PUDP: variants seen among roughly 807,000 people sequenced by gnomAD.
PUDP encodes pseudouridine 5'-phosphatase.
PUDP carries 8 observed loss-of-function variants against 9.4 expected under a neutral mutation model. That is an observed-to-expected ratio of 0.85 (90% confidence interval 0.50 to 1.53). The LOEUF (loss-of-function observed/expected upper bound fraction) is 1.53, where lower values mean the gene tolerates loss of function less well. Ranked by LOEUF, PUDP falls within the 40% of genes most tolerant of loss-of-function variation. The probability of loss-of-function intolerance (pLI) is 0.00; values close to 1 mark genes in which losing one functional copy is unlikely to be tolerated. For missense variants in PUDP, 188 were observed against 189.7 expected, an observed-to-expected ratio of 0.99 and a Z score of 0.05; for synonymous variants, 99 against 80.7, an observed-to-expected ratio of 1.23 and a Z score of -1.22.
chrX:6,874,384 T>A (rs1376015408), intron 3 of PUDP, among the ~76,000 whole-genome samples: 2 of 112,252 alleles, frequency 1.8e-5, no homozygotes, highest in Non-Finnish European at 3.8e-5. Flanking sequence ...GTTCATTTAT[T>A]ATTGTTTGTT....
chrX:7,091,103 C>T (rs774383025), intron 2 of PUDP, among the ~76,000 whole-genome samples: 1 of 111,915 alleles, frequency 8.9e-6, no homozygotes, highest in South Asian at 3.8e-4. Flanking sequence ...TTATGATCGT[C>T]AGGAGCCTCC....
intron 3 of PUDP, among the ~76,000 whole-genome samples, chrX:6,804,563 G>A (rs1459882027): frequency 8.9e-6 from 1 of 111,802 alleles, no homozygotes; most frequent in Non-Finnish European, 1.9e-5. Flanking sequence ...TCTTGATTCT[G>A]CATTCTTTAT....
At chrX:6,721,304 C>T (rs2146655369) in intron 1 of PUDP, 1 of 112,368 alleles carries the variant, frequency 8.9e-6, no homozygotes, top group Admixed American at 9.5e-5. Flanking sequence ...AGAAAGCAAT[C>T]TGCTCATGCA....
chrX:7,110,837 CAGTT>C (rs1821679651), intron 1 of PUDP, among the ~76,000 whole-genome samples: 1 of 111,129 alleles, frequency 9.0e-6, no homozygotes, highest in South Asian at 3.8e-4. Context: ...CAAGGTCAAT[CAGTT>C]AGGGTGGGGC....
intron 3 of PUDP, among the ~76,000 whole-genome samples, chrX:6,783,423 T>G (rs1164551255): frequency 9.0e-6 from 1 of 111,330 alleles, no homozygotes; most frequent in Non-Finnish European, 1.9e-5. Flanking sequence ...GCTTTTGCTT[T>G]GCACTGTGGA....
chrX:6,791,579 G>T (rs2146689506), intron 3 of PUDP, among the ~76,000 whole-genome samples: 1 of 109,980 alleles, frequency 9.1e-6, no homozygotes, highest in Admixed American at 9.9e-5. Flanking sequence ...AGGAATTGAG[G>T]GTGGGACTCT....
At chrX:7,110,577 A>G (rs1403907625) in intron 1 of PUDP, among the ~76,000 whole-genome samples, 2 of 112,026 alleles carry the variant, frequency 1.8e-5, no homozygotes. Flanking sequence ...TGTTACATGC[A>G]GCCCTGTGAA....
At chrX:6,736,563 G>T (rs1235588801) in intron 3 of PUDP, among the ~76,000 whole-genome samples, 1 of 111,973 alleles carries the variant, frequency 8.9e-6, no homozygotes, top group African/African-American at 3.2e-5. Context: ...TATGTTCATT[G>T]CAGCGCAGTT....
At position 6,969,421 on chromosome X, in the gene PUDP, G is replaced by C. The variant is rs191450077; in HGVS notation, c.*247+7712C>G. Among the ~76,000 whole-genome samples the C allele has an allele frequency of 8.9e-5, 10 of 112,135 alleles. No individual in the cohort carries two copies. In the East Asian group the frequency reaches 2.8e-3, roughly 31 times the overall value. ...AAGAAATGTTCCCACATCAGGCCCT[G>C]CTGTAGGAATAAAGGTAGATCTCTT... On this transcript the variant is annotated intron_variant and NMD_transcript_variant, in intron 3 of 3. Transcript: ENST00000655425.
intron 1 of PUDP, among the ~76,000 whole-genome samples, chrX:7,137,378 TA>T (rs541105641): frequency 9.9e-5 from 10 of 100,757 alleles, no homozygotes; most frequent in Admixed American, 2.1e-4. Flanking sequence ...CTGTCTCTAC[TA>T]AAAAAAAAAT....
At chrX:6,715,285 G>C (rs1924587457) in intron 1 of PUDP, among the ~76,000 whole-genome samples, 1 of 110,600 alleles carries the variant, frequency 9.0e-6, no homozygotes, top group Admixed American at 9.7e-5. Flanking sequence ...TCCATTGTGT[G>C]GCTATGCTTT....
At chrX:6,994,603 G>C (rs7065047) in intron 1 of PUDP, among the ~76,000 whole-genome samples, 24 of 111,171 alleles carry the variant, frequency 2.2e-4, no homozygotes, top group African/African-American at 7.9e-4. Context: ...TGCTTGAAAA[G>C]ACAAAGTGGG....
At chrX:6,893,648 C>T (rs770941946) in intron 3 of PUDP, among the ~76,000 whole-genome samples, 1 of 111,811 alleles carries the variant, frequency 8.9e-6, no homozygotes, top group Admixed American at 9.5e-5. Flanking sequence ...CTATTGGTAA[C>T]ATTATTCTAT....
chrX:6,789,533 T>A (rs1054335225), intron 3 of PUDP, among the ~76,000 whole-genome samples: 31 of 110,465 alleles, frequency 2.8e-4, no homozygotes, highest in African/African-American at 9.9e-4. Flanking sequence ...GAGTCTGCAG[T>A]GTGAACAAAT....
chrX:7,093,215 T>C (rs1303698780), intron 2 of PUDP, among the ~76,000 whole-genome samples: 1 of 111,166 alleles, frequency 9.0e-6, no homozygotes, highest in African/African-American at 3.3e-5. Flanking sequence ...CTCTATGGAT[T>C]TGACAACTCT....
At chrX:6,747,702 C>T (rs1925016728) in intron 3 of PUDP, among the ~76,000 whole-genome samples, 1 of 112,124 alleles carries the variant, frequency 8.9e-6, no homozygotes, top group Non-Finnish European at 1.9e-5. Flanking sequence ...AATTCAAAAT[C>T]GCAAAGCACC....
intron 3 of PUDP, among the ~76,000 whole-genome samples, chrX:6,739,849 A>C (rs1319643120): frequency 8.9e-6 from 1 of 111,865 alleles, no homozygotes; most frequent in East Asian, 2.8e-4. Context: ...CTAAAATTTA[A>C]TACCTGGCTA....
chrX:7,108,971 T>G (rs750535896), intron 1 of PUDP, among the ~76,000 whole-genome samples: 32 of 112,495 alleles, frequency 2.8e-4, no homozygotes, highest in African/African-American at 9.0e-4. Flanking sequence ...CAAAGCCCTT[T>G]AGGAGAGTAC....
chrX:6,836,014 C>T (rs921433985), intron 3 of PUDP, among the ~76,000 whole-genome samples: 6 of 110,984 alleles, frequency 5.4e-5, no homozygotes, highest in Non-Finnish European at 7.6e-5. Context: ...CCACTACACC[C>T]GGCCGTCACC....
Sources: gnomAD v4.1 joint callset for allele counts (sites outside exome capture counted in the v4.1 genomes callset) on GRCh38, gnomAD v4.1.1 for gene constraint, MANE v1.5 for transcripts, NCBI Gene and HGNC (gene_info 2026-07-23, HGNC 2026-07-21) for gene names.